Variants in TMEM178B observed in about 807,000 individuals in gnomAD.
TMEM178B encodes the protein transmembrane protein 178B.
In TMEM178B, 5 loss-of-function variants were observed where a neutral mutation model predicts 31.0. The ratio of observed to expected loss-of-function variants is 0.16; its 90% confidence interval spans 0.08 to 0.34. The LOEUF (loss-of-function observed/expected upper bound fraction) is 0.34, where lower values mean the gene tolerates loss of function less well. Ranked by LOEUF, TMEM178B falls within the 10% of genes least tolerant of loss-of-function variation. The pLI is 1.00. For missense variants in TMEM178B, 275 were observed against 400.3 expected, an observed-to-expected ratio of 0.69 and a Z score of 2.67; for synonymous variants, 164 against 164.0, an observed-to-expected ratio of 1.00 and a Z score of 0.00.
At chr7:141,257,626 T>C (rs1797948737) in intron 2 of TMEM178B, among the ~76,000 whole-genome samples, 1 of 152,204 alleles carries the variant, frequency 6.6e-6, no homozygotes, top group Admixed American at 6.5e-5. Context: ...TTTCAGCTCC[T>C]CAGCTCTTGA....
intron 2 of TMEM178B, among the ~76,000 whole-genome samples, chr7:141,359,470 T>G (rs1799879785): frequency 6.6e-6 from 1 of 152,232 alleles, no homozygotes; most frequent in African/African-American, 2.4e-5. Flanking sequence ...CCATTATCAT[T>G]AACTCAATTG....
At chr7:141,327,942 T>C (rs150095812) in intron 2 of TMEM178B, among the ~76,000 whole-genome samples, 8 of 152,318 alleles carry the variant, frequency 5.3e-5, no homozygotes, top group Non-Finnish European at 1.0e-4. Flanking sequence ...AGCTGAGCTC[T>C]CTCTGCCTGG....
At chr7:141,085,092 C>T (rs1286936856) in intron 1 of TMEM178B, among the ~76,000 whole-genome samples, 1 of 151,862 alleles carries the variant, frequency 6.6e-6, no homozygotes, top group Admixed American at 6.6e-5. Flanking sequence ...ATTTTCCTGC[C>T]TCAGCCTGCT....
At chr7:141,187,769 G>A (rs1375909034) in intron 1 of TMEM178B, among the ~76,000 whole-genome samples, 8 of 152,032 alleles carry the variant, frequency 5.3e-5, no homozygotes, top group East Asian at 1.9e-4. Flanking sequence ...TATATCCTTC[G>A]CCCACTTTTT....
rs549230005 is a variant in TMEM178B at position 141,348,554 on chromosome 7, A to G, written c.497-89054A>G. ...AGAGCAGTCTGAAATTAGTTAATCT[A>G]ATTTAGACTGTGAGGAAAATGTAGC... On this transcript the variant is annotated intron_variant, in intron 2 of 3. Coordinates refer to ENST00000565468, the MANE Select transcript of TMEM178B (RefSeq NM_001195278.2). Among the ~76,000 whole-genome samples the G allele has an allele frequency of 1.2e-3, 179 of 152,314 alleles. 1 individual carries two copies. Among genetic ancestry groups the G allele is most frequent in the African/African-American group, 4.1e-3 (170 of 41,570 alleles).
chr7:141,098,830 C>G (rs1795006573), intron 1 of TMEM178B, among the ~76,000 whole-genome samples: 3 of 152,172 alleles, frequency 2.0e-5, no homozygotes, highest in Non-Finnish European at 2.9e-5. Context: ...GTCAGAAGTG[C>G]TGTATGTGCA....
intron 2 of TMEM178B, among the ~76,000 whole-genome samples, chr7:141,341,920 G>A (rs1799522656): frequency 6.6e-6 from 1 of 152,124 alleles, no homozygotes; most frequent in Admixed American, 6.6e-5. Context: ...ATGTCTTCTA[G>A]TAGGAATGTA....
intron 2 of TMEM178B, among the ~76,000 whole-genome samples, chr7:141,252,197 T>C (rs968951169): frequency 6.6e-6 from 1 of 152,146 alleles, no homozygotes; most frequent in Non-Finnish European, 1.5e-5. Flanking sequence ...CCCCACTAGC[T>C]GGTATGGGGC....
At chr7:141,311,912 G>T (rs1394980121) in intron 2 of TMEM178B, among the ~76,000 whole-genome samples, 1 of 152,200 alleles carries the variant, frequency 6.6e-6, no homozygotes, top group Non-Finnish European at 1.5e-5. Context: ...AGAGAGGCTT[G>T]TGACAACTGG....
chr7:141,447,208 A>G (rs1227290398), intron 3 of TMEM178B, among the ~76,000 whole-genome samples: 1 of 152,088 alleles, frequency 6.6e-6, no homozygotes, highest in Non-Finnish European at 1.5e-5. Flanking sequence ...GATAAGAACT[A>G]TGGAGAAAAA....
Position 141,270,205 on chromosome 7 carries a change from A to G in TMEM178B, c.496+57501A>G, listed in dbSNP as rs572230959. On this transcript the variant is annotated intron_variant, in intron 2 of 3. Coordinates refer to ENST00000565468, the MANE Select transcript of TMEM178B (RefSeq NM_001195278.2). ...CCCTGTTCAAAGCTCTGATTTTTGT[A>G]TGGTCAGTACACAGCTCTGGGGAGC... Among the ~76,000 whole-genome samples, 6 of 152,310 alleles carry G rather than the reference A, an allele frequency of 3.9e-5. No individual in the cohort carries two copies. In the South Asian group the frequency reaches 1.2e-3, roughly 32 times the overall value.
chr7:141,375,879 C>A (rs1413945349), intron 2 of TMEM178B, among the ~76,000 whole-genome samples: 1 of 152,140 alleles, frequency 6.6e-6, no homozygotes, highest in African/African-American at 2.4e-5. Flanking sequence ...CTTGGGTGAA[C>A]AACAGAAGGA....
intron 1 of TMEM178B, among the ~76,000 whole-genome samples, chr7:141,212,054 A>T (rs185992724): frequency 3.3e-4 from 50 of 152,306 alleles, no homozygotes; most frequent in Non-Finnish European, 8.8e-5. Context: ...TTGTTCAAGA[A>T]ACCTGAAAAG....
intron 1 of TMEM178B, among the ~76,000 whole-genome samples, chr7:141,137,968 C>T (rs1795702249): frequency 6.6e-6 from 1 of 152,136 alleles, no homozygotes; most frequent in Admixed American, 6.5e-5. Flanking sequence ...ATATATCTCC[C>T]ACCAGATTGG....
At position 141,336,209 on chromosome 7, in the gene TMEM178B, C is replaced by G. The variant is rs188736193; in HGVS notation, c.497-101399C>G. On this transcript the variant is annotated intron_variant, in intron 2 of 3. Transcript: ENST00000565468. ...CCTCATCCTGACTCTTTTTACCCAC[C>G]CTGGCCACTCTGTACTTCCAGGCTT... 2.1e-4 allele frequency among the ~76,000 whole-genome samples: 32 copies of G among 152,212 alleles called. 1 individual carries two copies. The highest frequency in any genetic ancestry group is 5.5e-4 in the African/African-American group (23 of 41,536).
rs1801224666 is a variant in TMEM178B, at chr7:141,422,216, G to C, written c.497-15392G>C. ...AGGTAAAAGGCCAAGGCTCTGACTT[G>C]CCTGGTGTTATTGCTCTCCGGGCCC... On this transcript the variant is annotated intron_variant, in intron 2 of 3. Transcript: ENST00000565468. This position sits in a 1 kb window ranked among gnomAD's most constrained non-coding sequence, Gnocchi z 4.2. Among the ~76,000 whole-genome samples, 2 of 152,194 alleles carry C rather than the reference G, an allele frequency of 1.3e-5. No individual in the cohort carries two copies. Among genetic ancestry groups the C allele is most frequent in the African/African-American group, 2.4e-5 (1 of 41,460 alleles).
At chr7:141,220,847 C>G (rs1424017839) in intron 2 of TMEM178B, among the ~76,000 whole-genome samples, 1 of 152,136 alleles carries the variant, frequency 6.6e-6, no homozygotes, top group Non-Finnish European at 1.5e-5. Flanking sequence ...TTTGTTCATT[C>G]AATGGTTGTG....
chr7:141,218,503 C>A (rs1409747102), intron 2 of TMEM178B, among the ~76,000 whole-genome samples: 1 of 152,192 alleles, frequency 6.6e-6, no homozygotes, highest in African/African-American at 2.4e-5. Flanking sequence ...CTTGATCTCT[C>A]ACCACTGCCT....
At chr7:141,496,342 T>C in the TMEM178B span, among the ~76,000 whole-genome samples, 1 of 152,320 alleles carries the variant, frequency 6.6e-6, no homozygotes, top group Non-Finnish European at 1.5e-5. Context: ...TATAAGGATC[T>C]TTCTCCTTGG....
Sources: allele counts gnomAD v4.1 joint callset (sites outside exome capture counted in the v4.1 genomes callset), GRCh38; gene constraint gnomAD v4.1.1; non-coding constraint Gnocchi (gnomAD v3.1); transcripts MANE v1.5; gene names NCBI Gene and HGNC (gene_info 2026-07-23, HGNC 2026-07-21).